Variants in DBX2 observed in about 807,000 individuals in gnomAD.
The protein encoded by DBX2 is developing brain homeobox 2, also known as homeobox protein DBX2.
In DBX2, 16 loss-of-function variants were observed where a neutral mutation model predicts 17.7. That is an observed-to-expected ratio of 0.90 (90% CI 0.61 to 1.37). The LOEUF is 1.37. DBX2 is among the 40% of genes most tolerant of loss of function. The pLI, the probability that DBX2 is intolerant of heterozygous loss-of-function variation, is 0.00. For missense variants in DBX2, 538 were observed against 433.8 expected (o/e 1.24, Z -2.13); for synonymous variants, 255 against 183.8 (o/e 1.39, Z -3.13).
Position 45,050,901 on chromosome 12 carries a change from G to A in DBX2, c.27C>T (p.His9=), listed in dbSNP as rs776415715. ...CCACAACGTCCCAGTACGCACCGGC[G>A]TGGGCTGCGACCGCGCTGGGGAGCA... MLPSAVAA[H]AGAYWDVVAS... is the part of the protein sequence containing the mutation. The change falls in exon 1 of 4, where the codon CAC becomes CAT. Residue 9 remains histidine (H), a synonymous_variant. Coordinates refer to ENST00000332700, the MANE Select transcript of DBX2 (RefSeq NM_001004329.3). The A allele has an allele frequency of 6.6e-6, 10 of 1,513,026 alleles. No homozygotes were observed. The East Asian group carries it at 1.1e-4, about 17-fold the overall frequency. The allele number at this position is 1,513,026 out of a possible 1,614,324, so 93.7% of individuals were successfully genotyped here.
intron 1 of DBX2, 22 bp downstream of exon 1, chr12:45,050,503 A>C: frequency 6.5e-7 from 1 of 1,541,028 alleles, no homozygotes; most frequent in Non-Finnish European, 8.7e-7. Flanking sequence ...GCGGCTGGGG[A>C]GGGAGGGGAG....
rs1482553374 is a variant in DBX2, at chr12:45,015,904, TAAA to T, written c.*379_*381del. 6.4e-6 allele frequency: 1 copy of T among 157,170 alleles called. No homozygotes were observed. Among genetic ancestry groups the T allele is most frequent in the Non-Finnish European group, 1.4e-5 (1 of 71,616 alleles). The allele number at this position is 157,170 out of a possible 1,614,324, so 9.7% of individuals were successfully genotyped here. On this transcript the variant is annotated 3_prime_UTR_variant, in exon 4 of 4. Coordinates refer to ENST00000332700, the MANE Select transcript of DBX2 (RefSeq NM_001004329.3). Reference sequence around the variant, plus strand: ...TCTGTCAATGGTAGTTTTCTTCACATAAAAGGAAGTGAATTTACTCAATGCAAT... The same window carrying T: ...TCTGTCAATGGTAGTTTTCTTCACATAGGAAGTGAATTTACTCAATGCAAT...
chr12:45,027,181 G>A (rs947631495), intron 2 of DBX2, among the ~76,000 whole-genome samples: 7 of 152,124 alleles, frequency 4.6e-5, no homozygotes, highest in African/African-American at 1.4e-4. Flanking sequence ...AAGATTCAAC[G>A]AAATAAGATA....
At chr12:45,046,578 G>T (rs1946501558) in intron 1 of DBX2, among the ~76,000 whole-genome samples, 1 of 152,112 alleles carries the variant, frequency 6.6e-6, no homozygotes, top group African/African-American at 2.4e-5. Flanking sequence ...TCCCCACCTT[G>T]AGCACAAATC....
Position 45,047,905 on chromosome 12 carries a change from C to G in DBX2, c.403+2620G>C, listed in dbSNP as rs1413579859. 2.6e-5 allele frequency among the ~76,000 whole-genome samples: 4 copies of G among 152,126 alleles called. No individual in the cohort carries two copies. The East Asian group carries it at 7.7e-4, about 29-fold the overall frequency. ...ACAACTGGAATCTCCATAGCCACCT[C>G]ATTAGCTTATTAGGAGGATTAAAGG... On this transcript the variant is annotated intron_variant, in intron 1 of 3. Transcript: ENST00000332700.
chr12:45,043,928 A>G (rs1946485333), intron 1 of DBX2, among the ~76,000 whole-genome samples: 1 of 152,168 alleles, frequency 6.6e-6, no homozygotes, highest in African/African-American at 2.4e-5. Flanking sequence ...GAGGAAAGAG[A>G]GGCTCTGTGA....
At chr12:45,020,518 A>T (rs970272579) in intron 3 of DBX2, among the ~76,000 whole-genome samples, 1 of 151,754 alleles carries the variant, frequency 6.6e-6, no homozygotes, top group Admixed American at 6.6e-5. Flanking sequence ...CCTTGGAAGG[A>T]GCAGATAGTG....
At chr12:45,031,570 AT>A (rs1946411354) in intron 2 of DBX2, among the ~76,000 whole-genome samples, 2 of 151,944 alleles carry the variant, frequency 1.3e-5, no homozygotes, top group Non-Finnish European at 2.9e-5. Context: ...AAAATATTCA[AT>A]TTTTTTCCCA....
At chr12:45,049,079 ATTTAT>A (rs1946515335) in intron 1 of DBX2, among the ~76,000 whole-genome samples, 1 of 152,300 alleles carries the variant, frequency 6.6e-6, no homozygotes, top group East Asian at 1.9e-4. Context: ...CTTGATTTGC[ATTTAT>A]TTTATTTAAA....
At position 45,050,526 on chromosome 12, in the gene DBX2, TG is replaced by T. The variant is rs1565588606; in HGVS notation, c.401del (p.Pro134GlnfsTer9). On this transcript the variant is annotated frameshift_variant and splice_region_variant, in exon 1 of 4. Transcript: ENST00000332700. LOFTEE classifies it high-confidence loss of function. The stretch of plus-strand genomic sequence containing the variant: ...GGAGGGAGGGGAGAGCTGGCTCACC[TG>T]GCGCTGAAGGCTGGAAGGTACAGTC... ...DRDCTFQPSA[P>X]APSKPFLLST... The T allele has an allele frequency of 6.5e-7, 1 of 1,548,222 alleles. No homozygotes were observed. The highest frequency in any genetic ancestry group is 2.5e-5 in the East Asian group (1 of 40,602).
In DBX2 at chr12:45,016,456, G is replaced by A. The variant is rs754618578; in HGVS notation, c.850C>T (p.Gln284Ter). The A allele has an allele frequency of 5.0e-6, 8 of 1,613,818 alleles. No individual in the cohort carries two copies. The South Asian group carries it at 8.8e-5, about 18-fold the overall frequency. The part of the protein sequence containing the change: ...SPCPSIWDVP[Q>*]QHSSPRWREN... ...CTCCATCTTGGACTTGAGTGCTGTT[G>A]GGGGACGTCCCATATTGAAGGACAT... The change falls in exon 4 of 4, where the codon CAA (glutamine) becomes TAA (stop). Residue 284 changes from glutamine (Q) to a stop codon, truncating the protein, a stop_gained. Coordinates refer to ENST00000332700, the MANE Select transcript of DBX2 (RefSeq NM_001004329.3). LOFTEE classifies it low-confidence loss of function (END_TRUNC).
At chr12:45,046,579 A>C (rs958920261) in intron 1 of DBX2, among the ~76,000 whole-genome samples, 2 of 152,194 alleles carry the variant, frequency 1.3e-5, no homozygotes, top group Non-Finnish European at 2.9e-5. Context: ...CCCCACCTTG[A>C]GCACAAATCC....
Position 45,023,758 on chromosome 12 carries a change from G to A in DBX2, c.636C>T (p.Ser212=), listed in dbSNP as rs1432491532. ...EKMFQKQKYI[S]KTDRKKLAIN... ...TGGCAAGTTTCTTTCGGTCTGTTTT[G>A]CTGATATATTTCTGTTTCTGAAACA... The change falls in exon 3 of 4, where the codon AGC becomes AGT. Residue 212 remains serine (S), a synonymous_variant. Coordinates refer to ENST00000332700, the MANE Select transcript of DBX2 (RefSeq NM_001004329.3). 2 of 1,614,064 alleles carry A rather than the reference G, an allele frequency of 1.2e-6. No individual in the cohort carries two copies. Among genetic ancestry groups the A allele is most frequent in the African/African-American group, 1.3e-5 (1 of 75,012 alleles).
chr12:45,017,200 T>G (rs1351500712), intron 3 of DBX2, among the ~76,000 whole-genome samples: 2 of 152,200 alleles, frequency 1.3e-5, no homozygotes, highest in Admixed American at 6.5e-5. Flanking sequence ...TCTTATATAT[T>G]TTAAAACATC....
In DBX2 at chr12:45,017,614, T is replaced by C. The variant is rs112246928; in HGVS notation, c.688-996A>G. 6.6e-3 allele frequency among the ~76,000 whole-genome samples: 1,008 copies of C among 152,328 alleles called. 13 individuals carry two copies. The highest frequency in any genetic ancestry group is 0.022 in the African/African-American group (933 of 41,568). On this transcript the variant is annotated intron_variant, in intron 3 of 3. Transcript: ENST00000332700. ...ATCAAACTGTAAGAATTAAGCTCAA[T>C]AAATAACAACTAATTGTAATTAAGC...
chr12:45,022,192 C>T (rs1414346674), intron 3 of DBX2, among the ~76,000 whole-genome samples: 1 of 152,086 alleles, frequency 6.6e-6, no homozygotes, highest in South Asian at 2.1e-4. Flanking sequence ...AGGCCAATTA[C>T]CCTCTACCAC....
intron 1 of DBX2, 97 bp downstream of exon 1, chr12:45,050,428 C>G: frequency 1.4e-6 from 2 of 1,464,696 alleles, no homozygotes; most frequent in South Asian, 1.4e-5. Context: ...ACCGGCTCTC[C>G]CTGGGCGCAG....
chr12:45,042,958 C>T (rs1044015834), intron 1 of DBX2, among the ~76,000 whole-genome samples: 15 of 152,174 alleles, frequency 9.9e-5, no homozygotes, highest in East Asian at 1.9e-4. Flanking sequence ...TCAATTAGAC[C>T]GCTCTGAAAA....
Position 45,023,784 on chromosome 12 carries a change from T to C in DBX2, c.610A>G (p.Met204Val). Residue 204 changes from methionine (M) to valine (V), a missense_variant, in exon 3 of 4, where the codon ATG becomes GTG. Met to Val is a conservative substitution (Grantham distance 21). Transcript: ENST00000332700. ...SEDQRKALEK[M>V]FQKQKYISKT... is the part of the protein sequence containing the mutation. ...CTGATATATTTCTGTTTCTGAAACA[T>C]TTTCTCCAGAGCCTTTCTCTGGTCC... The C allele has an allele frequency of 6.2e-7, 1 of 1,613,988 alleles. No homozygotes were observed. The highest frequency in any genetic ancestry group is 1.1e-5 in the South Asian group (1 of 91,060).
Sources: allele counts gnomAD v4.1 joint callset (sites outside exome capture counted in the v4.1 genomes callset), GRCh38; gene constraint gnomAD v4.1.1; transcripts MANE v1.5; gene names NCBI Gene and HGNC (gene_info 2026-07-23, HGNC 2026-07-21).